Variants in NSG2 observed in about 807,000 individuals in gnomAD.
The protein encoded by NSG2 is neuronal vesicle trafficking associated 2.
Under a neutral mutation model 16.9 loss-of-function variants are expected in NSG2, and 4 were observed. The ratio of observed to expected loss-of-function variants is 0.24; its 90% CI spans 0.12 to 0.54. NSG2 has a LOEUF of 0.54. Among genes scored for constraint, NSG2 ranks in the 20% least tolerant of loss-of-function variants. The pLI is 0.95. For synonymous variants in NSG2, 98 were observed against 88.7 expected (o/e 1.11, Z -0.59); for missense variants, 179 against 221.1 (o/e 0.81, Z 1.21).
intron 4 of NSG2, among the ~76,000 whole-genome samples, chr5:174,105,898 C>T (rs1300778922): frequency 1.3e-5 from 2 of 151,686 alleles, no homozygotes; most frequent in African/African-American, 2.4e-5. Context: ...GAGACTCTGT[C>T]TCAAAAAAAA....
At position 174,096,274 on chromosome 5, in the gene NSG2, G is replaced by A. The variant is rs186585430; in HGVS notation, c.214-7954G>A. ...CCTAGGAGAAGTGTCTTGAAGAGCT[G>A]TGATCAGACAGCGTAGCGGCTCAAC... is the stretch of plus-strand genomic sequence containing the variant. On this transcript the variant is annotated intron_variant, in intron 3 of 4. Transcript: ENST00000303177. Among the ~76,000 whole-genome samples, 435 of 152,336 alleles carry A rather than the reference G, an allele frequency of 2.9e-3. 1 individual carries two copies. Among genetic ancestry groups the A allele is most frequent in the Admixed American group, 5.8e-3 (89 of 15,306 alleles).
chr5:174,049,256 C>T (rs564033709), intron 2 of NSG2, among the ~76,000 whole-genome samples: 1 of 152,274 alleles, frequency 6.6e-6, no homozygotes, highest in East Asian at 1.9e-4. Context: ...AGGAGAATGG[C>T]GTGAACCTGG....
At chr5:174,065,406 G>A (rs752128053) in intron 3 of NSG2, among the ~76,000 whole-genome samples, 1 of 152,178 alleles carries the variant, frequency 6.6e-6, no homozygotes, top group South Asian at 2.1e-4. Context: ...AGGCAGAAGT[G>A]GGCGGAGGGC....
chr5:174,055,562 C>T (rs371290676), intron 2 of NSG2, among the ~76,000 whole-genome samples: 12 of 151,824 alleles, frequency 7.9e-5, no homozygotes, highest in South Asian at 2.1e-4. Flanking sequence ...ATCACGCCAC[C>T]GCACTCCAGC....
intron 2 of NSG2, among the ~76,000 whole-genome samples, chr5:174,060,196 G>T (rs1760026854): frequency 6.6e-6 from 1 of 152,132 alleles, no homozygotes; most frequent in Non-Finnish European, 1.5e-5. Context: ...TCATGGTCTT[G>T]TTCTGACAGT....
chr5:174,051,005 A>G (rs577346434), intron 2 of NSG2, among the ~76,000 whole-genome samples: 23 of 152,052 alleles, frequency 1.5e-4, no homozygotes, highest in African/African-American at 5.5e-4. Context: ...CTCTTTCACC[A>G]TCTGGCCTGC....
chr5:174,100,161 C>G (rs1479348235), intron 3 of NSG2, among the ~76,000 whole-genome samples: 1 of 152,222 alleles, frequency 6.6e-6, no homozygotes, highest in East Asian at 1.9e-4. Context: ...TGGGCAGAAT[C>G]CCATGGGCTG....
At chr5:174,066,093 A>G (rs1760134811) in intron 3 of NSG2, 1 of 414,872 alleles carries the variant, frequency 2.4e-6, no homozygotes, top group African/African-American at 2.0e-5. Flanking sequence ...TATGTGGCCC[A>G]GGGGAGGAGT....
At chr5:174,090,146 A>T (rs1481701171) in intron 3 of NSG2, among the ~76,000 whole-genome samples, 3 of 152,110 alleles carry the variant, frequency 2.0e-5, no homozygotes, top group Non-Finnish European at 4.4e-5. Flanking sequence ...TCAATAATTC[A>T]CCAGGAGGAC....
At chr5:174,104,366 C>A in intron 4 of NSG2, 28 bp downstream of exon 4, 2 of 1,493,160 alleles carry the variant, frequency 1.3e-6, no homozygotes, top group South Asian at 2.3e-5. Context: ...AGTCCCAGGT[C>A]ACTATCAAAT....
At chr5:174,050,050 T>TCAGCA (rs780169869) in intron 2 of NSG2, among the ~76,000 whole-genome samples, 29 of 152,126 alleles carry the variant, frequency 1.9e-4, no homozygotes, top group Non-Finnish European at 4.0e-4. Flanking sequence ...GCATCAGTCT[T>TCAGCA]CTAGTGTATA....
intron 3 of NSG2, among the ~76,000 whole-genome samples, chr5:174,095,156 G>A (rs1760776998): frequency 6.6e-6 from 1 of 152,206 alleles, no homozygotes; most frequent in Non-Finnish European, 1.5e-5. Flanking sequence ...CTGAGTGGTT[G>A]GAGCTTTTGA....
intron 2 of NSG2, among the ~76,000 whole-genome samples, chr5:174,057,267 G>A (rs930599179): frequency 5.9e-5 from 9 of 152,022 alleles, no homozygotes; most frequent in Non-Finnish European, 1.0e-4. Flanking sequence ...TTTTAACTGC[G>A]GGAAAAAGAA....
Position 174,107,948 on chromosome 5 carries a change from G to A in NSG2, c.*443G>A. 2.7e-6 allele frequency: 1 copy of A among 365,580 alleles called. No homozygotes were observed. The highest frequency in any genetic ancestry group is 2.1e-5 in the South Asian group (1 of 47,786). 22.6% of individuals were successfully genotyped at this position (365,580 alleles called of 1,614,324 possible). A position where few individuals can be genotyped will look rare whatever the true frequency, so the allele number is the denominator to read the frequency against. ...ATAAGAAAACGTAGCTTCAGTGGGG[G>A]CTCCAGGGTTGCAGAGTATGAGTGA... On this transcript the variant is annotated 3_prime_UTR_variant, in exon 5 of 5. Transcript: ENST00000303177. This position sits in a 1 kb window ranked among gnomAD's most constrained non-coding sequence, Gnocchi z 4.5.
intron 2 of NSG2, among the ~76,000 whole-genome samples, chr5:174,058,180 A>G (rs115853953): frequency 0.017 from 2,534 of 152,302 alleles, 45 homozygotes; most frequent in Non-Finnish European, 0.023. Flanking sequence ...TGGCTGGGGC[A>G]GGAGGGTCAA....
At chr5:174,051,270 A>G (rs1759884665) in intron 2 of NSG2, among the ~76,000 whole-genome samples, 2 of 152,088 alleles carry the variant, frequency 1.3e-5, no homozygotes, top group African/African-American at 4.8e-5. Context: ...GGGTAGAATT[A>G]TCCTGCCCCA....
intron 2 of NSG2, among the ~76,000 whole-genome samples, 184 bp from the exon 3 acceptor site, chr5:174,064,048 G>T (rs1385467473): frequency 6.6e-6 from 1 of 152,096 alleles, no homozygotes; most frequent in Non-Finnish European, 1.5e-5. Flanking sequence ...GTTACCTAGG[G>T]TTGTCTCTGT....
At chr5:174,087,378 A>G (rs1205789532) in intron 3 of NSG2, among the ~76,000 whole-genome samples, 1 of 152,140 alleles carries the variant, frequency 6.6e-6, no homozygotes, top group East Asian at 1.9e-4. Flanking sequence ...TCATTAATTG[A>G]GTTTCCTTAT....
rs1282815512 is a variant in NSG2, at chr5:174,066,215, C to T, written c.213+1900C>T. The T allele has an allele frequency of 1.5e-5, 7 of 456,148 alleles. No homozygotes were observed. The Admixed American group carries it at 1.6e-4, about 11-fold the overall frequency. 28.3% of individuals were successfully genotyped at this position (456,148 alleles called of 1,614,324 possible). The stretch of plus-strand genomic sequence containing the variant: ...TATTGTACTTTCAGTGTCTGCCACA[C>T]AGCACAGGCCCAGTGAAAGTGGACC... On this transcript the variant is annotated intron_variant, in intron 3 of 4. Coordinates refer to ENST00000303177, the MANE Select transcript of NSG2 (RefSeq NM_015980.5).
Sources: gnomAD v4.1 joint callset for allele counts (sites outside exome capture counted in the v4.1 genomes callset) on GRCh38, gnomAD v4.1.1 for gene constraint, Gnocchi (gnomAD v3.1) non-coding constraint, MANE v1.5 for transcripts, NCBI Gene and HGNC (gene_info 2026-07-23, HGNC 2026-07-21) for gene names.